Variants in NEGR1 observed in about 807,000 individuals in gnomAD.
The protein encoded by NEGR1 is neuronal growth regulator 1, also known as IgLON family member 4.
Under a neutral mutation model 40.9 loss-of-function variants are expected in NEGR1, and 10 were observed. The observed-to-expected ratio is 0.24, with a 90% CI of 0.15 to 0.42. NEGR1 has a LOEUF of 0.42. Ranked by LOEUF, NEGR1 falls within the 10% of genes least tolerant of loss-of-function variation. NEGR1 has a pLI of 1.00. For synonymous variants in NEGR1, 185 were observed against 166.8 expected (o/e 1.11, Z -0.84); for missense variants, 352 against 438.9 (o/e 0.80, Z 1.77).
intron 3 of NEGR1, among the ~76,000 whole-genome samples, chr1:71,714,847 C>T (rs1203914357): frequency 6.6e-6 from 1 of 152,170 alleles, no homozygotes; most frequent in Non-Finnish European, 1.5e-5. Flanking sequence ...GTATATGGTG[C>T]AAGCTGTTGG....
intron 1 of NEGR1, among the ~76,000 whole-genome samples, chr1:72,068,829 T>C (rs1056054207): frequency 1.3e-5 from 2 of 152,188 alleles, no homozygotes; most frequent in Non-Finnish European, 2.9e-5. Context: ...AGGAATTTTC[T>C]AGATGTAAGG....
rs1649540111 is a variant in NEGR1, at chr1:71,592,694, A to G, written c.940+123T>C. 8.7e-6 allele frequency: 6 copies of G among 692,580 alleles called. No individual in the cohort carries two copies. The Admixed American group carries it at 1.2e-4, about 14-fold the overall frequency. The allele number at this position is 692,580 out of a possible 1,614,324, so 42.9% of individuals were successfully genotyped here. A position where few individuals can be genotyped will look rare whatever the true frequency, so the allele number is the denominator to read the frequency against. ...CATGTGTAAGGATTGCGTGATGTAT[A>G]AGGAATGTGTCACATCAGGTTGAGT... On this transcript the variant is annotated intron_variant, in intron 6 of 6. Coordinates refer to ENST00000357731, the MANE Select transcript of NEGR1 (RefSeq NM_173808.3).
chr1:72,281,550 A>G (rs1227496432), intron 1 of NEGR1, among the ~76,000 whole-genome samples: 1 of 152,068 alleles, frequency 6.6e-6, no homozygotes, highest in Non-Finnish European at 1.5e-5. Flanking sequence ...ATGGGAGTCA[A>G]AAGAGGGAAG....
intron 2 of NEGR1, among the ~76,000 whole-genome samples, chr1:71,839,165 A>AG (rs1290623904): frequency 1.3e-5 from 2 of 151,456 alleles, no homozygotes; most frequent in South Asian, 2.1e-4. Flanking sequence ...TGAGAAAAAA[A>AG]AAAAAAGTAC....
At chr1:71,493,915 T>C (rs553653799) in intron 6 of NEGR1, among the ~76,000 whole-genome samples, 1 of 152,340 alleles carries the variant, frequency 6.6e-6, no homozygotes, top group South Asian at 2.1e-4. Context: ...ATCCTTTCTT[T>C]AGCATCTCCT....
At chr1:71,681,452 CT>C (rs1652834845) in intron 4 of NEGR1, among the ~76,000 whole-genome samples, 1 of 152,140 alleles carries the variant, frequency 6.6e-6, no homozygotes, top group African/African-American at 2.4e-5. Flanking sequence ...ATTGTTGCTG[CT>C]GAGAAATCAA....
chr1:71,992,378 G>A (rs1018465397), intron 1 of NEGR1, among the ~76,000 whole-genome samples: 1 of 151,786 alleles, frequency 6.6e-6, no homozygotes, highest in African/African-American at 2.4e-5. Flanking sequence ...AGTACTGTAT[G>A]GTATTCTTAT....
chr1:71,990,489 G>A (rs1646439576), intron 1 of NEGR1, among the ~76,000 whole-genome samples: 1 of 152,050 alleles, frequency 6.6e-6, no homozygotes, highest in African/African-American at 2.4e-5. Context: ...CTTAATATCT[G>A]ATGTTGATAT....
intron 1 of NEGR1, among the ~76,000 whole-genome samples, chr1:72,018,995 G>A (rs1222409429): frequency 6.6e-6 from 1 of 152,114 alleles, no homozygotes; most frequent in African/African-American, 2.4e-5. Flanking sequence ...AGGAACATGA[G>A]GGCTTTGGGG....
intron 1 of NEGR1, among the ~76,000 whole-genome samples, chr1:72,261,084 G>GA (rs1156316454): frequency 6.6e-6 from 1 of 151,902 alleles, no homozygotes; most frequent in African/African-American, 2.4e-5. Flanking sequence ...GTTCTAGGAG[G>GA]AAAAAATCAT....
chr1:72,146,780 TA>T (rs2100346947), intron 1 of NEGR1, among the ~76,000 whole-genome samples: 1 of 152,316 alleles, frequency 6.6e-6, no homozygotes, highest in Admixed American at 6.5e-5. Flanking sequence ...ATTGTATCTG[TA>T]AAGCTGATTT....
chr1:72,132,573 C>A (rs1321416400), intron 1 of NEGR1, among the ~76,000 whole-genome samples: 2 of 152,124 alleles, frequency 1.3e-5, no homozygotes, highest in African/African-American at 4.8e-5. Flanking sequence ...AATGACATTT[C>A]TTTAATAAAT....
chr1:71,509,599 A>G (rs918734741), intron 6 of NEGR1, among the ~76,000 whole-genome samples: 4 of 152,214 alleles, frequency 2.6e-5, no homozygotes, highest in Non-Finnish European at 4.4e-5. Flanking sequence ...TCACTCTGGC[A>G]TTCCATAAAA....
chr1:71,425,038 A>G (rs2101284883), intron 6 of NEGR1, among the ~76,000 whole-genome samples: 1 of 152,324 alleles, frequency 6.6e-6, no homozygotes, highest in Middle Eastern at 3.4e-3. Flanking sequence ...CAAGTTAACA[A>G]TCTGTTTCAT....
intron 6 of NEGR1, among the ~76,000 whole-genome samples, chr1:71,478,502 G>T (rs1446439774): frequency 2.6e-5 from 4 of 151,982 alleles, no homozygotes; most frequent in Admixed American, 6.6e-5. Flanking sequence ...CTTAGTGGCC[G>T]TCTCTTTCTC....
At position 71,831,756 on chromosome 1, in the gene NEGR1, GA is replaced by G. The variant is rs149150366; in HGVS notation, c.410-55460del. Among the ~76,000 whole-genome samples the G allele has an allele frequency of 3.4e-4, 52 of 151,354 alleles. 3 individuals are homozygous for G. In the East Asian group the frequency reaches 0.01, roughly 30 times the overall value. ...ATGTTGGTCCCTGGGGATGTAGGAG[GA>G]TTTCTATAGAGAGGAAAGACCAAGG... On this transcript the variant is annotated intron_variant, in intron 2 of 6. Coordinates refer to ENST00000357731, the MANE Select transcript of NEGR1 (RefSeq NM_173808.3).
intron 3 of NEGR1, among the ~76,000 whole-genome samples, chr1:71,722,709 T>C (rs1220295012): frequency 6.6e-6 from 1 of 151,272 alleles, no homozygotes; most frequent in African/African-American, 2.5e-5. Context: ...CAGAAAAAAA[T>C]TGGCATACAT....
At chr1:71,870,365 T>A (rs909956276) in intron 2 of NEGR1, among the ~76,000 whole-genome samples, 1 of 152,200 alleles carries the variant, frequency 6.6e-6, no homozygotes, top group Non-Finnish European at 1.5e-5. Flanking sequence ...AATTAACGCA[T>A]AATTACGTTA....
chr1:72,037,521 G>C (rs889711075), intron 1 of NEGR1, among the ~76,000 whole-genome samples: 8 of 152,210 alleles, frequency 5.3e-5, no homozygotes, highest in Admixed American at 3.9e-4. Context: ...TTAACCAATT[G>C]TGCTGTAGAA....
Sources: gnomAD v4.1 joint callset for allele counts (sites outside exome capture counted in the v4.1 genomes callset) on GRCh38, gnomAD v4.1.1 for gene constraint, MANE v1.5 for transcripts, NCBI Gene and HGNC (gene_info 2026-07-23, HGNC 2026-07-21) for gene names.